Variants in DNAAF1 observed in about 807,000 individuals in gnomAD.
The protein encoded by DNAAF1 is dynein axonemal assembly factor 1.
Under a neutral mutation model 71.1 loss-of-function variants are expected in DNAAF1, and 65 were observed. That is an observed-to-expected ratio of 0.91 (90% CI 0.75 to 1.12). DNAAF1 has a LOEUF of 1.12. DNAAF1 is among the 50% of genes most tolerant of loss of function. The pLI is 0.00. For missense variants in DNAAF1, 1,178 were observed against 899.8 expected (o/e 1.31, Z -3.96); for synonymous variants, 414 against 354.6 (o/e 1.17, Z -1.88).
Position 84,149,114 on chromosome 16 carries a change from A to G in DNAAF1, c.232A>G (p.Arg78Gly). Residue 78 changes from arginine to glycine, a missense_variant, in exon 2 of 12, where the codon AGA becomes GGA. Coordinates refer to ENST00000378553, the MANE Select transcript of DNAAF1 (RefSeq NM_178452.6). ...NGSGGHFAHP[R>G]EDREDRGPRM... Reference sequence around the variant, plus strand: ...GTCAGGTGGTCACTTCGCACACCCAAGAGAAGACAGGGAAGATCGGGGCCC... The same window carrying G: ...GTCAGGTGGTCACTTCGCACACCCAGGAGAAGACAGGGAAGATCGGGGCCC... 3 of 1,614,150 alleles carry G rather than the reference A, an allele frequency of 1.9e-6. No homozygotes were observed. The highest frequency in any genetic ancestry group is 1.7e-6 in the Non-Finnish European group (2 of 1,180,036).
intron 6 of DNAAF1, among the ~76,000 whole-genome samples, chr16:84,160,008 C>A (rs1002867962): frequency 1.4e-4 from 21 of 152,104 alleles, no homozygotes; most frequent in African/African-American, 5.1e-4. Flanking sequence ...ATCTTTGTAT[C>A]AGTCGTTTAC....
At chr16:84,166,036 AAT>A in intron 7 of DNAAF1, 87 bp downstream of exon 7, 2 of 1,077,178 alleles carry the variant, frequency 1.9e-6, no homozygotes, top group Non-Finnish European at 1.3e-6. Flanking sequence ...TAATCTTGGG[AAT>A]TTTTTTTTTT....
At chr16:84,147,972 G>T (rs1205991956) in intron 1 of DNAAF1, among the ~76,000 whole-genome samples, 1 of 151,928 alleles carries the variant, frequency 6.6e-6, no homozygotes, top group Non-Finnish European at 1.5e-5. Context: ...GGAGGCTGAG[G>T]CATGAGAATC....
rs2087125503 is a variant in DNAAF1 at position 84,150,338 on chromosome 16, TAAAG to T, written c.349_352del (p.Lys117ValfsTer43). 3 of 1,608,930 alleles carry T rather than the reference TAAAG, an allele frequency of 1.9e-6. No homozygotes were observed. Among genetic ancestry groups the T allele is most frequent in the Non-Finnish European group, 2.6e-6 (3 of 1,175,362 alleles). The stretch of plus-strand genomic sequence containing the variant: ...TGAATGATACGCTGTATTTACACTT[TAAAG>T]GTAAGGACCTAAGAGAGGAAGTGCT... On this transcript the variant is annotated frameshift_variant and splice_region_variant, in exon 3 of 12. Coordinates refer to ENST00000378553, the MANE Select transcript of DNAAF1 (RefSeq NM_178452.6). LOFTEE classifies it high-confidence loss of function.
Position 84,155,678 on chromosome 16 carries a change from G to T in DNAAF1, c.670G>T (p.Val224Phe). ...QHLQECLRLCVLDLSHNKLSD... is the reference protein window; with the variant it reads ...QHLQECLRLCFLDLSHNKLSD... Reference sequence around the variant, plus strand: ...TCTACAAGAGTGTTTGAGGCTTTGTGTCCTTGACCTTTCGCACAACAAGCT... The same window carrying T: ...TCTACAAGAGTGTTTGAGGCTTTGTTTCCTTGACCTTTCGCACAACAAGCT... The change falls in exon 5 of 12, where the codon GTC becomes TTC. Residue 224 changes from valine to phenylalanine, a missense_variant. Coordinates refer to ENST00000378553, the MANE Select transcript of DNAAF1 (RefSeq NM_178452.6). 1 of 1,614,148 alleles carries T rather than the reference G, an allele frequency of 6.2e-7. No homozygotes were observed. Among genetic ancestry groups the T allele is most frequent in the Non-Finnish European group, 8.5e-7 (1 of 1,180,036 alleles).
intron 5 of DNAAF1, chr16:84,159,359 GCAA>G: frequency 6.8e-6 from 5 of 733,734 alleles, no homozygotes; most frequent in Admixed American, 9.0e-5. Context: ...AGGTTGGGTA[GCAA>G]AACTAATATA....
At chr16:84,176,612 G>A (rs536391975) in intron 11 of DNAAF1, 137 of 455,094 alleles carry the variant, frequency 3.0e-4, no homozygotes, top group Non-Finnish European at 4.7e-4. Context: ...CCTAATGACC[G>A]TGCATTTCCA....
In DNAAF1 at chr16:84,145,583, G is replaced by A; in HGVS notation, c.124+19G>A. The stretch of plus-strand genomic sequence containing the variant: ...AAGGAAGGTGCCGACTGCCCCCCAG[G>A]GAGGGCGGTGGGCGAGGGGCAGACA... On this transcript the variant is annotated intron_variant, in intron 1 of 11. Coordinates refer to ENST00000378553, the MANE Select transcript of DNAAF1 (RefSeq NM_178452.6). The A allele has an allele frequency of 6.5e-7, 1 of 1,543,264 alleles. No homozygotes were observed. Among genetic ancestry groups the A allele is most frequent in the Non-Finnish European group, 8.7e-7 (1 of 1,144,858 alleles).
chr16:84,147,819 A>G (rs1290191110), intron 1 of DNAAF1, among the ~76,000 whole-genome samples: 1 of 152,116 alleles, frequency 6.6e-6, no homozygotes, highest in Non-Finnish European at 1.5e-5. Context: ...TAATCCCAGC[A>G]CTTTGGAAGG....
intron 10 of DNAAF1, 89 bp from the exon 11 acceptor site, chr16:84,175,844 G>T (rs2088620822): frequency 1.3e-6 from 2 of 1,483,610 alleles, no homozygotes; most frequent in African/African-American, 2.7e-5. Flanking sequence ...TTGTGACATT[G>T]GGTGAAAAAG....
At chr16:84,155,130 G>T (rs8050706) in intron 4 of DNAAF1, among the ~76,000 whole-genome samples, 4 of 152,080 alleles carry the variant, frequency 2.6e-5, no homozygotes, top group Non-Finnish European at 5.9e-5. Flanking sequence ...GGATGGTCTC[G>T]ATCTCCTGAC....
At chr16:84,173,160 C>T (rs1307631115) in intron 9 of DNAAF1, 3 of 985,774 alleles carry the variant, frequency 3.0e-6, no homozygotes, top group Admixed American at 6.1e-5. Context: ...TTTCACATGG[C>T]CCAGTAGGAG....
intron 11 of DNAAF1, chr16:84,176,587 C>A: frequency 1.9e-6 from 1 of 515,904 alleles, no homozygotes; most frequent in Non-Finnish European, 3.5e-6. Context: ...TCATGCAGAT[C>A]TCCTGGGGCG....
At chr16:84,159,500 G>C (rs887897960) in intron 5 of DNAAF1, among the ~76,000 whole-genome samples, 175 bp from the exon 6 acceptor site, 1 of 152,174 alleles carries the variant, frequency 6.6e-6, no homozygotes, top group East Asian at 1.9e-4. Context: ...CTCTGATAGC[G>C]TGAGAGCAAT....
At chr16:84,155,435 C>A (rs1406101835) in intron 4 of DNAAF1, 148 bp from the exon 5 acceptor site, 6 of 882,786 alleles carry the variant, frequency 6.8e-6, no homozygotes, top group Non-Finnish European at 1.1e-5. Context: ...CACTGTGTTG[C>A]CCAGGCTGGT....
intron 6 of DNAAF1, among the ~76,000 whole-genome samples, chr16:84,161,661 G>A (rs892907716): frequency 6.6e-6 from 1 of 151,774 alleles, no homozygotes; most frequent in Non-Finnish European, 1.5e-5. Flanking sequence ...ACAGGCATGA[G>A]CCACCACACC....
At chr16:84,166,058 T>C (rs2087967063) in intron 7 of DNAAF1, 109 bp downstream of exon 7, 2 of 904,208 alleles carry the variant, frequency 2.2e-6, no homozygotes, top group African/African-American at 3.4e-5. Context: ...TTTTTTTTTT[T>C]TTTTTTAGAC....
chr16:84,157,995 C>T (rs147990141), intron 5 of DNAAF1, among the ~76,000 whole-genome samples: 5,870 of 152,124 alleles, frequency 0.039, 138 homozygotes, highest in Middle Eastern at 0.085. Flanking sequence ...ATCACGAGGT[C>T]GGGAGATCGA....
Position 84,176,069 on chromosome 16 carries a change from A to G in DNAAF1, c.1835A>G (p.Asp612Gly). 1 of 1,614,114 alleles carries G rather than the reference A, an allele frequency of 6.2e-7. No individual in the cohort carries two copies. The highest frequency in any genetic ancestry group is 1.3e-5 in the African/African-American group (1 of 75,026). The change falls in exon 11 of 12, where the codon GAC becomes GGC. Residue 612 changes from aspartate to glycine, a missense_variant. Transcript: ENST00000378553. ...TCAAATATATTTGCAGTCTCTAAAG[A>G]CACCTCAAAGGCGGCTCGGGTGCCC... is the stretch of plus-strand genomic sequence containing the variant. ...TLSNIFAVSK[D>G]TSKAARVPFT...
Sources: allele counts gnomAD v4.1 joint callset (sites outside exome capture counted in the v4.1 genomes callset), GRCh38; gene constraint gnomAD v4.1.1; transcripts MANE v1.5; gene names NCBI Gene and HGNC (gene_info 2026-07-23, HGNC 2026-07-21).